Variants in L1CAM observed in about 807,000 individuals in gnomAD.
L1CAM encodes the protein neural cell adhesion molecule L1.
A neutral mutation model predicts 93.0 loss-of-function variants in L1CAM; 8 were observed. The ratio of observed to expected loss-of-function variants is 0.09; its 90% CI spans 0.05 to 0.16. The LOEUF is 0.16. L1CAM is among the 10% of genes least tolerant of loss of function. The pLI, the probability that L1CAM is intolerant of heterozygous loss-of-function variation, is 1.00. For missense variants in L1CAM, 777 were observed against 1,073.4 expected, an observed-to-expected ratio of 0.72 and a Z score of 3.86; for synonymous variants, 453 against 453.0, an observed-to-expected ratio of 1.00 and a Z score of 0.00.
chrX:153,881,521 G>A (rs12012027), intron 1 of L1CAM, among the ~76,000 whole-genome samples: 1,763 of 111,547 alleles, frequency 0.016, 43 homozygotes, highest in African/African-American at 0.054. Flanking sequence ...GCGGAAGTAG[G>A]ATGTGATCAA....
Position 153,864,654 on chromosome X carries a change from C to T in L1CAM, c.3097G>A (p.Val1033Ile). ...ISATAGENYS[V>I]VSWVPKEGQC... ...CCCTCCTTGGGGACCCAGGAGACGA[C>T]ACTGTAGTTTTCACCCGCTGTGGCT... Residue 1033 changes from valine (V) to isoleucine (I), a missense_variant, in exon 24 of 29, where the codon GTC becomes ATC. By Grantham distance (29) the Val-to-Ile change is conservative. Around this residue, in one of 5 missense-constraint regions of L1CAM, gnomAD observed 18 missense variants for 53.0 expected, o/e 0.34. Coordinates refer to ENST00000370060, the MANE Select transcript of L1CAM (RefSeq NM_001278116.2). 2.5e-6 allele frequency: 3 copies of T among 1,211,458 alleles called. No homozygotes were observed. The highest frequency in any genetic ancestry group is 3.4e-6 in the Non-Finnish European group (3 of 895,166).
intron 1 of L1CAM, chrX:153,884,353 G>A (rs1314327808): frequency 9.5e-6 from 7 of 736,041 alleles, no homozygotes; most frequent in Non-Finnish European, 1.3e-5. Context: ...TGCTCAGCAG[G>A]GAGCTGGCAG....
chrX:153,870,739 G>T, intron 7 of L1CAM, 51 bp downstream of exon 7: 1 of 1,145,025 alleles, frequency 8.7e-7, no homozygotes, highest in Non-Finnish European at 1.2e-6. Flanking sequence ...GAAGGGCCAT[G>T]CCTGAGGGTG....
chrX:153,867,240 G>A (rs781841994), intron 17 of L1CAM, 116 bp from the exon 18 acceptor site: 8 of 973,905 alleles, frequency 8.2e-6, no homozygotes, highest in African/African-American at 7.6e-5. Context: ...GCCCCCTCGC[G>A]CTCCCCCTGG....
intron 1 of L1CAM, 122 bp from the exon 2 acceptor site, chrX:153,876,066 C>T: frequency 2.2e-6 from 1 of 451,775 alleles, no homozygotes; most frequent in Non-Finnish European, 3.9e-6. Flanking sequence ...CCGCCCCCAG[C>T]TGGCCGGCTT....
At chrX:153,880,343 C>A (rs1557095459) in intron 1 of L1CAM, 1 of 189,679 alleles carries the variant, frequency 5.3e-6, no homozygotes, top group Non-Finnish European at 9.8e-6. Context: ...CCTGTCAGTT[C>A]TCAGGTTCTG....
chrX:153,870,343 C>T (rs782454984), intron 8 of L1CAM, 45 bp downstream of exon 8: 6 of 1,186,196 alleles, frequency 5.1e-6, no homozygotes, highest in East Asian at 5.9e-5. Flanking sequence ...GCTAGGGCTC[C>T]GCCACCCTGC....
rs782485382 is a variant in L1CAM at position 153,870,374 on chromosome X, G to T, written c.806+14C>A. ...CCTGCCCTGCCCTGCCCTGCCCTGGGTTCCCAGACTCACAAGCCCTCGGCG... is the reference window on the plus strand; with the variant it reads ...CCTGCCCTGCCCTGCCCTGCCCTGGTTTCCCAGACTCACAAGCCCTCGGCG... On this transcript the variant is annotated intron_variant, in intron 8 of 28. Transcript: ENST00000370060. 2.5e-6 allele frequency: 3 copies of T among 1,203,557 alleles called. No individual in the cohort carries two copies.
At chrX:153,871,417 G>A (rs1176492078) in intron 5 of L1CAM, among the ~76,000 whole-genome samples, 2 of 110,959 alleles carry the variant, frequency 1.8e-5, no homozygotes, top group Non-Finnish European at 3.8e-5. Context: ...GGCCAGGAAG[G>A]GTTAACCTTC....
chrX:153,869,713 C>T (rs782392197), intron 10 of L1CAM, 50 bp from the exon 11 acceptor site: 35 of 1,199,318 alleles, frequency 2.9e-5, no homozygotes, highest in South Asian at 2.2e-4. Flanking sequence ...CATTGAGCTG[C>T]GTTGAGGCCC....
At position 153,866,320 on chromosome X, in the gene L1CAM, A is replaced by G. The variant is rs191234163; in HGVS notation, c.2431+329T>C. Reference sequence around the variant, plus strand: ...AGAGCAAGACTCCATCTCAAAAAAAAAAAAAAAGAAAGAAAAGAAAAGAAA... The same window carrying G: ...AGAGCAAGACTCCATCTCAAAAAAAGAAAAAAAGAAAGAAAAGAAAAGAAA... On this transcript the variant is annotated intron_variant, in intron 19 of 28. Transcript: ENST00000370060. 5.8e-3 allele frequency among the ~76,000 whole-genome samples: 630 copies of G among 109,374 alleles called. 7 individuals carry two copies. The highest frequency in any genetic ancestry group is 0.02 in the African/African-American group (608 of 30,094). The allele number at this position is 109,374 out of a possible 115,157, so 95.0% of individuals were successfully genotyped here.
At chrX:153,885,492 C>T (rs781824523) in intron 1 of L1CAM, 14 of 811,508 alleles carry the variant, frequency 1.7e-5, no homozygotes, top group South Asian at 2.2e-5. Flanking sequence ...GAGAACAAAG[C>T]CCCCCCAACC....
At position 153,867,178 on chromosome X, in the gene L1CAM, G is replaced by C. The variant is rs782002565; in HGVS notation, c.2138-54C>G. ...GCTGCAGCCTCTTTTGGAGAGCCAC[G>C]AGGACCGAGGGCCAAGGAACAAATG... On this transcript the variant is annotated intron_variant, in intron 17 of 28. Transcript: ENST00000370060. 4.6e-6 allele frequency: 5 copies of C among 1,086,297 alleles called. No homozygotes were observed. In the East Asian group the frequency reaches 1.2e-4, roughly 26 times the overall value. The allele number at this position is 1,086,297 out of a possible 1,213,427, so 89.5% of individuals were successfully genotyped here.
chrX:153,865,582 G>A (rs369635004), intron 20 of L1CAM, 82 bp from the exon 21 acceptor site: 2 of 1,052,046 alleles, frequency 1.9e-6, no homozygotes, highest in East Asian at 3.0e-5. Context: ...ACCCTTAATG[G>A]GGACCCTCCT....
chrX:153,873,318 G>T, intron 2 of L1CAM, 76 bp from the exon 3 acceptor site: 1 of 1,042,148 alleles, frequency 9.6e-7, no homozygotes, highest in Non-Finnish European at 1.4e-6. Context: ...GGGGCAGATG[G>T]CAGGGGACAT....
In L1CAM at chrX:153,866,834, T is replaced by C; in HGVS notation, c.2246A>G (p.Gln749Arg). 8.3e-7 allele frequency: 1 copy of C among 1,211,576 alleles called. No homozygotes were observed. Among genetic ancestry groups the C allele is most frequent in the Non-Finnish European group, 1.1e-6 (1 of 895,354 alleles). Residue 749 changes from glutamine (Q) to arginine (R), a missense_variant, in exon 19 of 29, where the codon CAG becomes CGG. Gln to Arg is a conservative substitution (Grantham distance 43, BLOSUM62 1). This residue lies in a region of L1CAM where 574 missense variants were observed against 781.0 expected (regional missense o/e 0.73). Transcript: ENST00000370060. ...CTGAGGGCGCCACTGCACGCGGTAC[T>C]GAACCTGGGGGGCGTTCCAGTCCAT... ...RWMDWNAPQVQYRVQWRPQGT... is the reference protein window; with the variant it reads ...RWMDWNAPQVRYRVQWRPQGT...
At chrX:153,867,151 A>G (rs2064721170) in intron 17 of L1CAM, 27 bp from the exon 18 acceptor site, 5 of 1,164,026 alleles carry the variant, frequency 4.3e-6, no homozygotes, top group African/African-American at 1.8e-5. Context: ...TAACACATCA[A>G]TGCTGCAGCC....
Position 153,862,576 on chromosome X carries a change from C to T in L1CAM, c.*87G>A. ...CCGAGGCAGCAAGTTCTCCTCTGCC[C>T]CAACTCCAGCCTCCCATGGGCCTGC... is the stretch of plus-strand genomic sequence containing the variant. On this transcript the variant is annotated 3_prime_UTR_variant, in exon 29 of 29. Transcript: ENST00000370060. 2 of 769,697 alleles carry T rather than the reference C, an allele frequency of 2.6e-6. No homozygotes were observed. Among genetic ancestry groups the T allele is most frequent in the Non-Finnish European group, 3.8e-6 (2 of 526,437 alleles). The allele number at this position is 769,697 out of a possible 1,213,427, so 63.4% of individuals were successfully genotyped here. A position where few individuals can be genotyped will look rare whatever the true frequency, so the allele number is the denominator to read the frequency against.
chrX:153,871,399 G>C (rs1330525371), intron 5 of L1CAM, among the ~76,000 whole-genome samples: 1 of 111,114 alleles, frequency 9.0e-6, no homozygotes, highest in Non-Finnish European at 1.9e-5. Context: ...GTGAGCAGGA[G>C]ACCAGGAGGC....
Sources: allele counts gnomAD v4.1 joint callset (sites outside exome capture counted in the v4.1 genomes callset), GRCh38; gene constraint gnomAD v4.1.1; regional missense constraint gnomAD v4.1.1; transcripts MANE v1.5; gene names NCBI Gene and HGNC (gene_info 2026-07-23, HGNC 2026-07-21).